The following DSCAM variants were observed in gnomAD, a reference collection of about 807,000 sequenced individuals.
DSCAM encodes the protein DS cell adhesion molecule, also known as cell adhesion molecule DSCAM.
A neutral mutation model predicts 217.7 loss-of-function variants in DSCAM; 47 were observed. The ratio of observed to expected loss-of-function variants is 0.22; its 90% confidence interval spans 0.17 to 0.28. The LOEUF is 0.28. Ranked by LOEUF, DSCAM falls within the 10% of genes least tolerant of loss-of-function variation. The pLI, the probability that DSCAM is intolerant of heterozygous loss-of-function variation, is 1.00. For synonymous variants in DSCAM, 1,056 were observed against 1,015.3 expected (o/e 1.04, Z -0.76); for missense variants, 2,080 against 2,618.3 (o/e 0.79, Z 4.49).
intron 1 of DSCAM, among the ~76,000 whole-genome samples, chr21:40,734,338 C>T (rs1005884685): frequency 3.9e-5 from 6 of 152,154 alleles, no homozygotes; most frequent in African/African-American, 1.4e-4. Context: ...CTTCCCAAAC[C>T]CATCTCTCAG....
At chr21:40,495,339 T>A (rs2410252) in intron 3 of DSCAM, among the ~76,000 whole-genome samples, 1 of 152,028 alleles carries the variant, frequency 6.6e-6, no homozygotes, top group African/African-American at 2.4e-5. Context: ...GCTATTCACC[T>A]TGATCAGTAC....
intron 20 of DSCAM, among the ~76,000 whole-genome samples, chr21:40,109,759 CAGG>C: frequency 6.6e-6 from 1 of 152,312 alleles, no homozygotes; most frequent in Admixed American, 6.5e-5. Context: ...AACGGCACAC[CAGG>C]AGATTATATC....
intron 3 of DSCAM, among the ~76,000 whole-genome samples, chr21:40,404,574 C>A (rs913514552): frequency 6.6e-6 from 1 of 152,192 alleles, no homozygotes; most frequent in Admixed American, 6.5e-5. Context: ...CTCTGAAAAA[C>A]CTGCTCTTTG....
At chr21:40,396,525 G>C (rs1321210459) in intron 3 of DSCAM, among the ~76,000 whole-genome samples, 1 of 152,166 alleles carries the variant, frequency 6.6e-6, no homozygotes, top group African/African-American at 2.4e-5. Context: ...GTACACACGT[G>C]CAGTGTTCCT....
intron 1 of DSCAM, among the ~76,000 whole-genome samples, chr21:40,710,869 T>C (rs2090772260): frequency 6.6e-6 from 1 of 152,268 alleles, no homozygotes; most frequent in Admixed American, 6.5e-5. Flanking sequence ...TGAACTTCAC[T>C]GGTCAGAAGT....
At chr21:40,395,887 C>T (rs1163230829) in intron 3 of DSCAM, among the ~76,000 whole-genome samples, 1 of 152,098 alleles carries the variant, frequency 6.6e-6, no homozygotes, top group Non-Finnish European at 1.5e-5. Flanking sequence ...TTATTAAAGC[C>T]CCTGAAATCA....
chr21:40,546,294 G>A (rs562452259), intron 3 of DSCAM, among the ~76,000 whole-genome samples: 1 of 152,334 alleles, frequency 6.6e-6, no homozygotes, highest in Admixed American at 6.5e-5. Context: ...ATTTCCTTGG[G>A]TCATGGGGAT....
rs138585667 is a variant in DSCAM, at chr21:40,670,233, T to C, written c.508+22577A>G. Reference sequence around the variant, plus strand: ...ATTTTTAGAGGACAGTTCAGTATTGTTAACTCGGTACTTATTAAACAATTT... The same window carrying C: ...ATTTTTAGAGGACAGTTCAGTATTGCTAACTCGGTACTTATTAAACAATTT... On this transcript the variant is annotated intron_variant, in intron 3 of 32. Coordinates refer to ENST00000400454, the MANE Select transcript of DSCAM (RefSeq NM_001389.5). Among the ~76,000 whole-genome samples the C allele has an allele frequency of 3.4e-4, 52 of 152,322 alleles. 1 individual carries two copies. In the East Asian group the frequency reaches 9.6e-3, roughly 28 times the overall value.
intron 8 of DSCAM, among the ~76,000 whole-genome samples, chr21:40,323,712 A>C (rs1313653326): frequency 1.3e-5 from 2 of 152,226 alleles, no homozygotes; most frequent in Non-Finnish European, 2.9e-5. Flanking sequence ...AGAGTAGCTA[A>C]CTTTTCTACA....
At chr21:40,019,117 C>T (rs2088217495) in intron 32 of DSCAM, among the ~76,000 whole-genome samples, 2 of 152,248 alleles carry the variant, frequency 1.3e-5, no homozygotes, top group Non-Finnish European at 2.9e-5. Context: ...AGCCCATGTG[C>T]TCATCAACAA....
intron 3 of DSCAM, among the ~76,000 whole-genome samples, chr21:40,534,922 A>C (rs1371589280): frequency 6.6e-6 from 1 of 152,148 alleles, no homozygotes; most frequent in African/African-American, 2.4e-5. Flanking sequence ...ACGTGGTATC[A>C]TCTAGTAGTG....
At chr21:40,687,215 A>G (rs2090489066) in intron 3 of DSCAM, among the ~76,000 whole-genome samples, 1 of 152,244 alleles carries the variant, frequency 6.6e-6, no homozygotes, top group Non-Finnish European at 1.5e-5. Flanking sequence ...ATTTCTTTTC[A>G]GTGAATGTTA....
At chr21:40,294,574 G>A (rs2073932585) in intron 10 of DSCAM, among the ~76,000 whole-genome samples, 1 of 152,102 alleles carries the variant, frequency 6.6e-6, no homozygotes. Context: ...TAACATACAG[G>A]AGTGTTCATT....
chr21:40,347,718 G>C lies in DSCAM; in HGVS notation c.1162C>G (p.Arg388Gly), dbSNP rs755881168. 1 of 1,614,136 alleles carries C rather than the reference G, an allele frequency of 6.2e-7. No homozygotes were observed. The highest frequency in any genetic ancestry group is 1.1e-5 in the South Asian group (1 of 91,090). ...TCTTGAGCGGACAGCTTGTCCTTGC[G>C]CACAAAGCACTGGTATGCGCCCCCG... The part of the protein sequence containing the change: ...SDGGAYQCFV[R>G]KDKLSAQDYV... The change falls in exon 6 of 33, where the codon CGC (arginine) becomes GGC (glycine). Residue 388 changes from arginine to glycine, a missense_variant. Around this residue, in one of 5 missense-constraint regions of DSCAM, gnomAD observed 568 missense variants for 678.1 expected, o/e 0.84. Transcript: ENST00000400454.
chr21:40,338,035 T>C, intron 8 of DSCAM, 66 bp downstream of exon 8: 1 of 1,571,142 alleles, frequency 6.4e-7, no homozygotes, highest in Non-Finnish European at 8.7e-7. Context: ...CGACTTCAAA[T>C]CATTGGTCTG....
At chr21:40,620,162 AAG>A (rs763823914) in intron 3 of DSCAM, among the ~76,000 whole-genome samples, 7 of 108,476 alleles carry the variant, frequency 6.5e-5, no homozygotes, top group East Asian at 3.1e-4. Context: ...AAAAGAAAGA[AAG>A]AGAGAGAGAA....
rs143742756 is a variant in DSCAM, at chr21:40,751,019, G to A, written c.44-42248C>T. On this transcript the variant is annotated intron_variant, in intron 1 of 32. Coordinates refer to ENST00000400454, the MANE Select transcript of DSCAM (RefSeq NM_001389.5). ...AGCATAAGTCATATAATGCCACCCT[G>A]TTCAAAAACCTCCAACATCCTCTCT... Among the ~76,000 whole-genome samples, 1,303 of 152,180 alleles carry A rather than the reference G, an allele frequency of 8.6e-3. 10 individuals are homozygous for A. The highest frequency in any genetic ancestry group is 0.013 in the Non-Finnish European group (859 of 67,994).
chr21:40,187,024 G>A, intron 14 of DSCAM, 107 bp downstream of exon 14: 1 of 1,388,232 alleles, frequency 7.2e-7, no homozygotes, highest in Non-Finnish European at 9.7e-7. Context: ...TGCCCTCTGA[G>A]CTCCTGTGAG....
At chr21:40,260,151 T>C (rs1432521496) in intron 11 of DSCAM, among the ~76,000 whole-genome samples, 2 of 152,226 alleles carry the variant, frequency 1.3e-5, no homozygotes, top group Non-Finnish European at 2.9e-5. Context: ...GGTGCTCTTT[T>C]CTGCTCAAGC....
Sources: allele counts gnomAD v4.1 joint callset (sites outside exome capture counted in the v4.1 genomes callset), GRCh38; gene constraint gnomAD v4.1.1; regional missense constraint gnomAD v4.1.1; transcripts MANE v1.5; gene names NCBI Gene and HGNC (gene_info 2026-07-23, HGNC 2026-07-21).